NUP210L: variants seen among roughly 807,000 people sequenced by gnomAD.
NUP210L encodes the protein nuclear pore membrane glycoprotein 210-like.
A neutral mutation model predicts 208.5 loss-of-function variants in NUP210L; 74 were observed. The observed-to-expected ratio is 0.35, with a 90% confidence interval of 0.29 to 0.43. The LOEUF (loss-of-function observed/expected upper bound fraction) is 0.43. Among genes scored for constraint, NUP210L ranks in the 20% least tolerant of loss-of-function variants. The pLI is 1.00. For missense variants in NUP210L, 1,843 were observed against 2,289.4 expected (o/e 0.81, Z 3.98); for synonymous variants, 780 against 816.9 (o/e 0.95, Z 0.77).
intron 35 of NUP210L, among the ~76,000 whole-genome samples, chr1:154,002,322 C>T (rs1244179066): frequency 1.3e-5 from 2 of 152,054 alleles, no homozygotes; most frequent in Non-Finnish European, 2.9e-5. Flanking sequence ...TCTGGCGATC[C>T]TCCCACCTCA....
chr1:154,142,817 G>A (rs1658920061), intron 3 of NUP210L, among the ~76,000 whole-genome samples: 1 of 151,272 alleles, frequency 6.6e-6, no homozygotes. Context: ...TGAAGCGGGA[G>A]GGCAGAGGTT....
Position 154,154,832 on chromosome 1 carries a change from C to A in NUP210L, c.203+10G>T. Reference sequence around the variant, plus strand: ...GAGGGTGCATATCCTTGTCACCCACCACCCCTCACCAAGTGTAGCAGCCCC... The same window carrying A: ...GAGGGTGCATATCCTTGTCACCCACAACCCCTCACCAAGTGTAGCAGCCCC... On this transcript the variant is annotated intron_variant, in intron 1 of 39. Transcript: ENST00000368559. The A allele has an allele frequency of 6.2e-7, 1 of 1,609,564 alleles. No homozygotes were observed. Among genetic ancestry groups the A allele is most frequent in the South Asian group, 1.1e-5 (1 of 90,974 alleles).
At chr1:154,004,854 CTT>C (rs34638973) in intron 35 of NUP210L, among the ~76,000 whole-genome samples, 99 of 114,180 alleles carry the variant, frequency 8.7e-4, no homozygotes, top group Admixed American at 2.2e-3. Context: ...TTCTTTCTTT[CTT>C]TTTTTTTTTT....
At chr1:153,998,079 T>C (rs970349344) in intron 37 of NUP210L, among the ~76,000 whole-genome samples, 3 of 152,008 alleles carry the variant, frequency 2.0e-5, no homozygotes, top group African/African-American at 7.3e-5. Context: ...TGTGGATTCT[T>C]TTTTTTCTCT....
rs1007444117 is a variant in NUP210L at position 154,060,358 on chromosome 1, T to C, written c.2850+182A>G. Among the ~76,000 whole-genome samples the C allele has an allele frequency of 3.3e-5, 5 of 152,298 alleles. No homozygotes were observed. In the East Asian group the frequency reaches 9.6e-4, roughly 29 times the overall value. On this transcript the variant is annotated intron_variant, in intron 20 of 39. Transcript: ENST00000368559. ...CTTCTAACTGAGATCTCTTATACTG[T>C]CTCTGTTCAACCAGAAGCAAAAAAA...
At chr1:154,149,257 T>C (rs1659269126) in intron 2 of NUP210L, among the ~76,000 whole-genome samples, 1 of 152,076 alleles carries the variant, frequency 6.6e-6, no homozygotes, top group Admixed American at 6.6e-5. Context: ...AGCTAATTTT[T>C]GTATTTTTAG....
At chr1:154,015,955 A>G (rs563759311) in intron 33 of NUP210L, among the ~76,000 whole-genome samples, 1 of 143,288 alleles carries the variant, frequency 7.0e-6, no homozygotes, top group African/African-American at 2.6e-5. Flanking sequence ...TAAATAAATA[A>G]AAATAAAAAA....
At chr1:154,092,007 A>G (rs1557970879) in intron 15 of NUP210L, among the ~76,000 whole-genome samples, 1 of 151,940 alleles carries the variant, frequency 6.6e-6, no homozygotes, top group Non-Finnish European at 1.5e-5. Flanking sequence ...AGTTGCCAAA[A>G]TTACAGAGAC....
rs533438783 is a variant in NUP210L at position 154,055,123 on chromosome 1, TTTTCTTTCTTTCTTTCTTTCTTTC to T, written c.3241-315_3241-292del. On this transcript the variant is annotated intron_variant, in intron 23 of 39. Coordinates refer to ENST00000368559, the Ensembl canonical transcript of NUP210L. ...TCTTTCTTTTCTTTCTCTTTCTTTCTTTTCTTTCTTTCTTTCTTTCTTTCTTTCTTTCTTTCTTTCTTTCTTTCT... is the reference window on the plus strand; with the variant it reads ...TCTTTCTTTTCTTTCTCTTTCTTTCTTTTCTTTCTTTCTTTCTTTCTTTCT... Among the ~76,000 whole-genome samples the T allele has an allele frequency of 9.4e-4, 110 of 117,236 alleles. 1 individual carries two copies. Among genetic ancestry groups the T allele is most frequent in the Middle Eastern group, 3.9e-3 (1 of 258 alleles). 76.9% of individuals were successfully genotyped at this position (117,236 alleles called of 152,430 possible).
chr1:154,055,543 G>A (rs752636563), intron 23 of NUP210L, among the ~76,000 whole-genome samples: 5 of 151,726 alleles, frequency 3.3e-5, no homozygotes, highest in Non-Finnish European at 5.9e-5. Context: ...GAGCTACCAC[G>A]CCTGTCCATG....
exon 17 of NUP210L, chr1:154,070,457 T>G (rs772697424): frequency 1.3e-6 from 2 of 1,559,302 alleles, no homozygotes; most frequent in African/African-American, 1.4e-5. Flanking sequence ...TCAGTCTTGA[T>G]ACAGGAATCT....
Position 154,027,495 on chromosome 1 carries a change from CT to C in NUP210L, c.3947+10del. ...AGATCCTGGCACTTCCTTATTCTCC[CT>C]TTTCCTTACCTGTTGGTATGGAGTT... On this transcript the variant is annotated intron_variant, in intron 29 of 39. Transcript: ENST00000368559. 6.3e-7 allele frequency: 1 copy of C among 1,578,890 alleles called. No homozygotes were observed. The highest frequency in any genetic ancestry group is 8.7e-7 in the Non-Finnish European group (1 of 1,149,692).
intron 35 of NUP210L, among the ~76,000 whole-genome samples, chr1:154,006,194 A>G (rs73010774): frequency 0.13 from 19,823 of 151,896 alleles, 2,276 homozygotes; most frequent in African/African-American, 0.3. Context: ...TCATTTATTT[A>G]TTTAGACAGA....
chr1:154,145,196 C>G (rs1478621501), intron 2 of NUP210L, among the ~76,000 whole-genome samples: 4 of 151,034 alleles, frequency 2.6e-5, no homozygotes, highest in South Asian at 2.1e-4. Flanking sequence ...GGCGGTCAGA[C>G]TGCCTGAGGT....
chr1:154,131,271 CAA>C (rs71584177), intron 7 of NUP210L, among the ~76,000 whole-genome samples: 6 of 119,888 alleles, frequency 5.0e-5, no homozygotes, highest in Non-Finnish European at 5.1e-5. Context: ...GACTCCATCT[CAA>C]AAAAAAAAAA....
At position 154,015,194 on chromosome 1, in the gene NUP210L, T is replaced by C. The variant is rs1397085627; in HGVS notation, c.4654-2824A>G. 2.0e-5 allele frequency among the ~76,000 whole-genome samples: 3 copies of C among 151,666 alleles called. No individual in the cohort carries two copies. The Admixed American group carries it at 2.0e-4, about 10-fold the overall frequency. ...CCCAGCATCCATTAGTTATTCTTCC[T>C]GATGCTCTCCCTCCCTCCATGCCCC... is the stretch of plus-strand genomic sequence containing the variant. On this transcript the variant is annotated intron_variant, in intron 33 of 39. Transcript: ENST00000368559.
chr1:154,039,474 A>AGTG (rs1371845241), intron 27 of NUP210L, among the ~76,000 whole-genome samples: 1 of 151,804 alleles, frequency 6.6e-6, no homozygotes, highest in Non-Finnish European at 1.5e-5. Context: ...GACCTCAGAC[A>AGTG]ATCCACCTGC....
At chr1:154,145,743 T>G (rs1659083611) in intron 2 of NUP210L, among the ~76,000 whole-genome samples, 1 of 152,210 alleles carries the variant, frequency 6.6e-6, no homozygotes, top group South Asian at 2.1e-4. Flanking sequence ...GATATCAGTA[T>G]GAGCTCATGT....
chr1:154,023,654 T>A (rs1477759396), intron 30 of NUP210L, among the ~76,000 whole-genome samples: 1 of 152,068 alleles, frequency 6.6e-6, no homozygotes, highest in African/African-American at 2.4e-5. Flanking sequence ...ATTTTTCTAT[T>A]CTTAGTAGAG....
Sources: gnomAD v4.1 joint callset for allele counts (sites outside exome capture counted in the v4.1 genomes callset) on GRCh38, gnomAD v4.1.1 for gene constraint, MANE v1.5 for transcripts, NCBI Gene and HGNC (gene_info 2026-07-23, HGNC 2026-07-21) for gene names.